Variants in ZNF543 observed in about 807,000 individuals in gnomAD.
ZNF543 encodes zinc finger protein 543.
ZNF543 carries 10 observed loss-of-function variants against 13.4 expected under a neutral mutation model. The observed-to-expected ratio is 0.75, with a 90% CI of 0.46 to 1.26. The LOEUF (loss-of-function observed/expected upper bound fraction) is 1.26. Ranked by LOEUF, ZNF543 falls within the 50% of genes most tolerant of loss-of-function variation. The probability of loss-of-function intolerance (pLI) is 0.00; values close to 1 mark genes in which losing one functional copy is unlikely to be tolerated. For synonymous variants in ZNF543, 272 were observed against 264.7 expected (o/e 1.03, Z -0.27); for missense variants, 768 against 741.2 (o/e 1.04, Z -0.42).
Position 57,329,033 on chromosome 19 carries a change from G to T in ZNF543, c.1571G>T (p.Arg524Leu), listed in dbSNP as rs377306752. The change falls in exon 4 of 4, where the codon CGA becomes CTA. Residue 524 changes from arginine to leucine, a missense_variant. Physicochemically the swap from Arg to Leu is moderately radical, Grantham distance 102 (BLOSUM62 -2). Around this residue, in one of 3 missense-constraint regions of ZNF543, gnomAD observed 677 missense variants for 631.4 expected, o/e 1.07. Coordinates refer to ENST00000321545, the MANE Select transcript of ZNF543 (RefSeq NM_213598.4). Reference sequence around the variant, plus strand: ...TTTTGCCGGAGCGCAAACCTTATTCGACACTCCATCATTCACACTGGAGAG... The same window carrying T: ...TTTTGCCGGAGCGCAAACCTTATTCTACACTCCATCATTCACACTGGAGAG... Reference protein sequence around the residue: ...KAFCRSANLIRHSIIHTGEKP... With the variant: ...KAFCRSANLILHSIIHTGEKP... 6.2e-7 allele frequency: 1 copy of T among 1,613,878 alleles called. No homozygotes were observed. The highest frequency in any genetic ancestry group is 1.1e-5 in the South Asian group (1 of 91,072).
Position 57,320,669 on chromosome 19 carries a change from C to G in ZNF543, c.-185C>G. 1.5e-6 allele frequency: 1 copy of G among 657,812 alleles called. No individual in the cohort carries two copies. The highest frequency in any genetic ancestry group is 2.4e-6 in the Non-Finnish European group (1 of 411,988). 40.7% of individuals were successfully genotyped at this position (657,812 alleles called of 1,614,324 possible). A position where few individuals can be genotyped will look rare whatever the true frequency, so the allele number is the denominator to read the frequency against. On this transcript the variant is annotated 5_prime_UTR_variant, in exon 1 of 4. Coordinates refer to ENST00000321545, the MANE Select transcript of ZNF543 (RefSeq NM_213598.4). ...CACCGGCGCCTGCCGAGGCCTAGGC[C>G]TCCGCAGCCGCCCTCCGTCTCCTCA...
rs2088134106 is a variant in ZNF543 at position 57,328,043 on chromosome 19, A to G, written c.581A>G (p.Glu194Gly). Residue 194 changes from glutamate to glycine, a missense_variant, in exon 4 of 4, where the codon GAA becomes GGA. This residue lies in a region of ZNF543 where 677 missense variants were observed against 631.4 expected (regional missense o/e 1.07). Transcript: ENST00000321545. ...HGPVTDALIREEKNSYKCEEC... is the reference protein window; with the variant it reads ...HGPVTDALIRGEKNSYKCEEC... The stretch of plus-strand genomic sequence containing the variant: ...CCAGTTACAGATGCCTTGATTCGCG[A>G]AGAGAAAAATTCCTATAAATGTGAG... 6.2e-7 allele frequency: 1 copy of G among 1,614,232 alleles called. No homozygotes were observed. The highest frequency in any genetic ancestry group is 2.2e-5 in the East Asian group (1 of 44,888).
chr19:57,320,570 A>C lies in ZNF543; in HGVS notation c.-284A>C. 2.2e-6 allele frequency: 1 copy of C among 462,304 alleles called. No individual in the cohort carries two copies. The highest frequency in any genetic ancestry group is 3.8e-5 in the Admixed American group (1 of 26,326). The allele number at this position is 462,304 out of a possible 1,614,324, so 28.6% of individuals were successfully genotyped here. A position where few individuals can be genotyped will look rare whatever the true frequency, so the allele number is the denominator to read the frequency against. ...TCCAGCGGCCTGAGCAGGGGAGGGT[A>C]ATGAGGCTGTTACGCGCCTTCTCCG... On this transcript the variant is annotated 5_prime_UTR_variant, in exon 1 of 4. Transcript: ENST00000321545.
intron 1 of ZNF543, 68 bp downstream of exon 1, chr19:57,320,939 G>A: frequency 1.9e-6 from 3 of 1,597,806 alleles, no homozygotes; most frequent in Non-Finnish European, 2.6e-6. Context: ...GCAGGCAGAA[G>A]CCAAGACAGC....
intron 1 of ZNF543, among the ~76,000 whole-genome samples, chr19:57,321,274 T>C (rs1242604938): frequency 3.3e-5 from 5 of 152,200 alleles, no homozygotes; most frequent in Non-Finnish European, 7.3e-5. Flanking sequence ...TGCACTTCCC[T>C]TTGCCTTGAA....
At chr19:57,327,473 T>C (rs12610044) in intron 3 of ZNF543, among the ~76,000 whole-genome samples, 2 of 99,720 alleles carry the variant, frequency 2.0e-5, no homozygotes, top group South Asian at 3.6e-4. Flanking sequence ...GCCTCCTGAG[T>C]AGCTGGGATT....
Position 57,328,623 on chromosome 19 carries a change from T to C in ZNF543, c.1161T>C (p.Ile387=), listed in dbSNP as rs796666252. The C allele has an allele frequency of 1.9e-6, 3 of 1,591,382 alleles. No homozygotes were observed. Among genetic ancestry groups the C allele is most frequent in the East Asian group, 2.3e-5 (1 of 43,454 alleles). Residue 387 remains isoleucine (I), a synonymous_variant, in exon 4 of 4, where the codon ATT becomes ATC. Coordinates refer to ENST00000321545, the MANE Select transcript of ZNF543 (RefSeq NM_213598.4). ...GTGCAGACCTCATTCAACACTACAT[T>C]ATCCACACTGGGGAGAAGCCCTATA... ...CESADLIQHY[I]IHTGEKPYKC...
chr19:57,329,838 G>A lies in ZNF543; in HGVS notation c.*573G>A. On this transcript the variant is annotated 3_prime_UTR_variant, in exon 4 of 4. Coordinates refer to ENST00000321545, the MANE Select transcript of ZNF543 (RefSeq NM_213598.4). Reference sequence around the variant, plus strand: ...TCTCAGGGATATTTAAACAAAGGAAGAGGAAATATAGGGAAGAGAAAGAAA... The same window carrying A: ...TCTCAGGGATATTTAAACAAAGGAAAAGGAAATATAGGGAAGAGAAAGAAA... The A allele has an allele frequency of 6.6e-6, 1 of 152,366 alleles. No individual in the cohort carries two copies. Among genetic ancestry groups the A allele is most frequent in the Non-Finnish European group, 1.5e-5 (1 of 68,168 alleles). 9.4% of individuals were successfully genotyped at this position (152,366 alleles called of 1,614,324 possible).
At position 57,330,546 on chromosome 19, in the gene ZNF543, A is replaced by G. The variant is rs2088156855; in HGVS notation, c.*1281A>G. 1 of 152,042 alleles carries G rather than the reference A, an allele frequency of 6.6e-6. No homozygotes were observed. The highest frequency in any genetic ancestry group is 2.4e-5 in the African/African-American group (1 of 41,394). 9.4% of individuals were successfully genotyped at this position (152,042 alleles called of 1,614,324 possible). ...CTTTTTAAAGAGTGTGTGAAAATTCACTTTAACTGGAATTTTAACAGGCAA... is the reference window on the plus strand; with the variant it reads ...CTTTTTAAAGAGTGTGTGAAAATTCGCTTTAACTGGAATTTTAACAGGCAA... On this transcript the variant is annotated 3_prime_UTR_variant, in exon 4 of 4. Transcript: ENST00000321545.
Position 57,328,096 on chromosome 19 carries a change from G to A in ZNF543, c.634G>A (p.Ala212Thr). Residue 212 changes from alanine to threonine, a missense_variant, in exon 4 of 4, where the codon GCC becomes ACC. Around this residue, in one of 3 missense-constraint regions of ZNF543, gnomAD observed 677 missense variants for 631.4 expected, o/e 1.07. Coordinates refer to ENST00000321545, the MANE Select transcript of ZNF543 (RefSeq NM_213598.4). Reference sequence around the variant, plus strand: ...ATGCGGGAAAGTGTTTAAAAAGAATGCCCTCCTTGTTCAGCATGAACGGAT... The same window carrying A: ...ATGCGGGAAAGTGTTTAAAAAGAATACCCTCCTTGTTCAGCATGAACGGAT... ...EECGKVFKKN[A>T]LLVQHERIHT... 6.2e-7 allele frequency: 1 copy of A among 1,614,228 alleles called. No individual in the cohort carries two copies. The highest frequency in any genetic ancestry group is 8.5e-7 in the Non-Finnish European group (1 of 1,180,036).
chr19:57,320,830 C>T lies in ZNF543; in HGVS notation c.-24C>T, dbSNP rs1484355561. 4 of 1,613,612 alleles carry T rather than the reference C, an allele frequency of 2.5e-6. No individual in the cohort carries two copies. The highest frequency in any genetic ancestry group is 2.5e-6 in the Non-Finnish European group (3 of 1,179,842). ...GGCTGAGCCGCGGCATTCCCGGGCC[C>T]CGCTAGGGCTGCAGGGTCTCAGGAT... is the stretch of plus-strand genomic sequence containing the variant. On this transcript the variant is annotated 5_prime_UTR_variant, in exon 1 of 4. Transcript: ENST00000321545.
In ZNF543 at chr19:57,323,193, A is replaced by ATT. The variant is rs371613138; in HGVS notation, c.19-473_19-472dup. On this transcript the variant is annotated intron_variant, in intron 1 of 3. Coordinates refer to ENST00000321545, the MANE Select transcript of ZNF543 (RefSeq NM_213598.4). ...AGGCTTCTCTCTCTTCACTGCTGTA[A>ATT]TTTTTTTTTTTTTTTTTGAGACGAG... is the stretch of plus-strand genomic sequence containing the variant. Among the ~76,000 whole-genome samples the ATT allele has an allele frequency of 8.0e-4, 109 of 135,784 alleles. 1 individual carries two copies. The highest frequency in any genetic ancestry group is 1.2e-3 in the African/African-American group (46 of 36,868). The allele number at this position is 135,784 out of a possible 152,430, so 89.1% of individuals were successfully genotyped here. A position where few individuals can be genotyped will look rare whatever the true frequency, so the allele number is the denominator to read the frequency against.
chr19:57,323,835 C>T, intron 2 of ZNF543, 27 bp downstream of exon 2: 2 of 1,604,690 alleles, frequency 1.2e-6, no homozygotes, highest in South Asian at 1.1e-5. Flanking sequence ...TCCTGTGCTC[C>T]CTTAGGATTG....
chr19:57,328,865 G>C lies in ZNF543; in HGVS notation c.1403G>C (p.Arg468Pro), dbSNP rs763186581. 6.2e-7 allele frequency: 1 copy of C among 1,613,394 alleles called. No homozygotes were observed. The highest frequency in any genetic ancestry group is 1.7e-4 in the Middle Eastern group (1 of 6,056). The stretch of plus-strand genomic sequence containing the variant: ...TTTAGTGATAGGGCAGACCTCATTC[G>C]CCACTTCAGCATCCACACTGGAGAG... Reference protein sequence around the residue: ...KAFSDRADLIRHFSIHTGEKP... With the variant: ...KAFSDRADLIPHFSIHTGEKP... Residue 468 changes from arginine to proline, a missense_variant, in exon 4 of 4, where the codon CGC becomes CCC. Physicochemically the swap from Arg to Pro is moderately radical, Grantham distance 103. This residue lies in a region of ZNF543 where 677 missense variants were observed against 631.4 expected (regional missense o/e 1.07). Coordinates refer to ENST00000321545, the MANE Select transcript of ZNF543 (RefSeq NM_213598.4).
chr19:57,326,872 C>CA, intron 3 of ZNF543, 144 bp downstream of exon 3: 1 of 581,890 alleles, frequency 1.7e-6, no homozygotes, highest in South Asian at 1.9e-5. Context: ...CGCCCGCCCC[C>CA]CCCCACCCGC....
chr19:57,329,600 C>T lies in ZNF543; in HGVS notation c.*335C>T, dbSNP rs1259876210. 1.1e-5 allele frequency: 2 copies of T among 181,046 alleles called. No individual in the cohort carries two copies. Among genetic ancestry groups the T allele is most frequent in the Non-Finnish European group, 2.3e-5 (2 of 85,582 alleles). 11.2% of individuals were successfully genotyped at this position (181,046 alleles called of 1,614,324 possible). ...GGATCTCGGCTCACTGCAAGCTCCG[C>T]CTCCCGGGTTCACGCCATTCTCCTG... On this transcript the variant is annotated 3_prime_UTR_variant, in exon 4 of 4. Transcript: ENST00000321545.
chr19:57,321,754 C>T (rs141861260), intron 1 of ZNF543, among the ~76,000 whole-genome samples: 42 of 152,212 alleles, frequency 2.8e-4, no homozygotes, highest in African/African-American at 9.9e-4. Context: ...GTGTTTTTAC[C>T]CTCTTCTTTG....
Position 57,327,455 on chromosome 19 carries a change from C to T in ZNF543, c.242-249C>T, listed in dbSNP as rs74995463. Reference sequence around the variant, plus strand: ...CGTCTCCTGGGTTCAAGTGATTCTCCTGCCTCAGCCTCCTGAGTAGCTGGG... The same window carrying T: ...CGTCTCCTGGGTTCAAGTGATTCTCTTGCCTCAGCCTCCTGAGTAGCTGGG... On this transcript the variant is annotated intron_variant, in intron 3 of 3. Coordinates refer to ENST00000321545, the MANE Select transcript of ZNF543 (RefSeq NM_213598.4). Among the ~76,000 whole-genome samples, 4 of 149,050 alleles carry T rather than the reference C, an allele frequency of 2.7e-5. No individual in the cohort carries two copies. In the South Asian group the frequency reaches 8.7e-4, roughly 32 times the overall value.
At position 57,328,340 on chromosome 19, in the gene ZNF543, C is replaced by A; in HGVS notation, c.878C>A (p.Thr293Asn). The stretch of plus-strand genomic sequence containing the variant: ...TGCAGTGAATGTGGAAAGGCCTTCA[C>A]CCACCGCTCCACTTTTGTCTTGCAT... Reference protein sequence around the residue: ...YKCSECGKAFTHRSTFVLHHR... With the variant: ...YKCSECGKAFNHRSTFVLHHR... The change falls in exon 4 of 4, where the codon ACC (threonine) becomes AAC (asparagine). Residue 293 changes from threonine to asparagine, a missense_variant. This residue lies in a region of ZNF543 where 677 missense variants were observed against 631.4 expected (regional missense o/e 1.07). Transcript: ENST00000321545. The A allele has an allele frequency of 6.2e-7, 1 of 1,613,658 alleles. No individual in the cohort carries two copies.
Sources: allele counts gnomAD v4.1 joint callset (sites outside exome capture counted in the v4.1 genomes callset), GRCh38; gene constraint gnomAD v4.1.1; regional missense constraint gnomAD v4.1.1; transcripts MANE v1.5; gene names NCBI Gene and HGNC (gene_info 2026-07-23, HGNC 2026-07-21).